Variants in SGPP2 observed in about 807,000 individuals in gnomAD.
SGPP2 encodes the protein sphingosine-1-phosphate phosphatase 2, also known as sphingosine 1-phosphate phosphohydrolase 2.
SGPP2 carries 30 observed loss-of-function variants against 33.9 expected under a neutral mutation model. The observed-to-expected ratio is 0.89, with a 90% CI of 0.66 to 1.20. The LOEUF (loss-of-function observed/expected upper bound fraction) is 1.20, where lower values mean the gene tolerates loss of function less well. Ranked by LOEUF, SGPP2 falls within the 50% of genes most tolerant of loss-of-function variation. The pLI, the probability that SGPP2 is intolerant of heterozygous loss-of-function variation, is 0.00. For synonymous variants in SGPP2, 233 were observed against 225.0 expected, an observed-to-expected ratio of 1.04 and a Z score of -0.32; for missense variants, 458 against 532.1, an observed-to-expected ratio of 0.86 and a Z score of 1.37.
At chr2:222,484,892 A>C (rs1025713833) in intron 2 of SGPP2, among the ~76,000 whole-genome samples, 4 of 152,224 alleles carry the variant, frequency 2.6e-5, no homozygotes, top group African/African-American at 9.6e-5. Flanking sequence ...TTTTCAAACA[A>C]AATCTTAATT....
At position 222,559,162 on chromosome 2, in the gene SGPP2, C is replaced by A. The variant is rs1215774073; in HGVS notation, c.*264C>A. ...CGGATCTTTAAAGGCACACACCGCG[C>A]CCCCCCCCCCCCCGCCCGGCCCCTG... On this transcript the variant is annotated 3_prime_UTR_variant, in exon 5 of 5. Transcript: ENST00000321276. 17 of 39,034 alleles carry A rather than the reference C, an allele frequency of 4.4e-4. No homozygotes were observed. In the African/African-American group the frequency reaches 6.4e-3, roughly 15 times the overall value. 2.4% of individuals were successfully genotyped at this position (39,034 alleles called of 1,614,324 possible). A position where few individuals can be genotyped will look rare whatever the true frequency, so the allele number is the denominator to read the frequency against.
chr2:222,462,011 C>T (rs188860198), intron 1 of SGPP2, among the ~76,000 whole-genome samples: 6 of 152,264 alleles, frequency 3.9e-5, no homozygotes, highest in Admixed American at 6.5e-5. Flanking sequence ...GCACAGCGAC[C>T]GTCATGAGTC....
At chr2:222,554,156 A>G (rs1689347742) in intron 4 of SGPP2, among the ~76,000 whole-genome samples, 1 of 152,224 alleles carries the variant, frequency 6.6e-6, no homozygotes. Context: ...ATCCTGTGAA[A>G]AGTCTCCTTC....
intron 2 of SGPP2, among the ~76,000 whole-genome samples, chr2:222,479,449 C>T (rs1157958288): frequency 7.1e-6 from 1 of 140,790 alleles, no homozygotes; most frequent in Admixed American, 7.4e-5. Flanking sequence ...GTCACCCAAG[C>T]TGGAGTGCAG....
intron 4 of SGPP2, among the ~76,000 whole-genome samples, chr2:222,526,632 T>G (rs977762213): frequency 2.0e-5 from 3 of 152,198 alleles, no homozygotes; most frequent in African/African-American, 7.2e-5. Flanking sequence ...ATCTTGGTAA[T>G]GATAGACTGG....
chr2:222,526,044 C>G (rs1448863761), intron 4 of SGPP2, among the ~76,000 whole-genome samples: 6 of 152,218 alleles, frequency 3.9e-5, no homozygotes, highest in Non-Finnish European at 7.3e-5. Flanking sequence ...ACGCTTTCCT[C>G]TTAAAATGCA....
chr2:222,520,058 A>G (rs772883986), intron 2 of SGPP2, among the ~76,000 whole-genome samples: 1 of 152,202 alleles, frequency 6.6e-6, no homozygotes, highest in African/African-American at 2.4e-5. Context: ...GTGGAACAGT[A>G]GCTCTGATTT....
intron 4 of SGPP2, among the ~76,000 whole-genome samples, chr2:222,527,072 A>G (rs1207579064): frequency 6.6e-6 from 1 of 152,228 alleles, no homozygotes; most frequent in Non-Finnish European, 1.5e-5. Context: ...AGATGAGTAA[A>G]GAGTACACAA....
intron 4 of SGPP2, among the ~76,000 whole-genome samples, chr2:222,546,426 G>T (rs959266802): frequency 6.6e-6 from 1 of 152,156 alleles, no homozygotes; most frequent in Non-Finnish European, 1.5e-5. Context: ...ATCTCTGTAA[G>T]TGAGATTGTC....
At chr2:222,443,609 T>C (rs1341553040) in intron 1 of SGPP2, among the ~76,000 whole-genome samples, 1 of 152,364 alleles carries the variant, frequency 6.6e-6, no homozygotes, top group Middle Eastern at 3.4e-3. Flanking sequence ...GGTATTTTCT[T>C]TGCAGGTCTG....
chr2:222,470,892 G>A (rs557667050), intron 1 of SGPP2, among the ~76,000 whole-genome samples: 32 of 152,302 alleles, frequency 2.1e-4, no homozygotes, highest in African/African-American at 4.6e-4. Flanking sequence ...AGAACCTGCC[G>A]AGATTAGTCC....
chr2:222,460,597 C>T lies in SGPP2; in HGVS notation c.220-13971C>T, dbSNP rs1240261543. Among the ~76,000 whole-genome samples the T allele has an allele frequency of 6.6e-6, 1 of 152,182 alleles. No homozygotes were observed. Among genetic ancestry groups the T allele is most frequent in the African/African-American group, 2.4e-5 (1 of 41,450 alleles). ...CTTGGCTCCAGCACTTTCAAAGGCT[C>T]CCTATTACCCAAGTTCTAAACCCAG... On this transcript the variant is annotated intron_variant, in intron 1 of 4. Coordinates refer to ENST00000321276, the MANE Select transcript of SGPP2 (RefSeq NM_152386.4). This position sits in a 1 kb window ranked among gnomAD's most constrained non-coding sequence, Gnocchi z 4.3.
chr2:222,489,237 GT>G (rs1405266886), intron 2 of SGPP2, among the ~76,000 whole-genome samples: 1 of 152,052 alleles, frequency 6.6e-6, no homozygotes, highest in Non-Finnish European at 1.5e-5. Context: ...ACCCTCAAGG[GT>G]TTCTTAAACA....
rs182063703 is a variant in SGPP2 at position 222,472,794 on chromosome 2, T to C, written c.220-1774T>C. On this transcript the variant is annotated intron_variant, in intron 1 of 4. Coordinates refer to ENST00000321276, the MANE Select transcript of SGPP2 (RefSeq NM_152386.4). ...AAACTAAAGGCCAAGGCAGGCAGAT[T>C]ACCTGAAGTCAGGAGTTGGACATAA... Among the ~76,000 whole-genome samples, 55 of 152,308 alleles carry C rather than the reference T, an allele frequency of 3.6e-4. No homozygotes were observed. The East Asian group carries it at 9.3e-3, about 26-fold the overall frequency.
chr2:222,513,260 C>G (rs1307752474), intron 2 of SGPP2, among the ~76,000 whole-genome samples: 2 of 152,180 alleles, frequency 1.3e-5, no homozygotes, highest in Non-Finnish European at 2.9e-5. Flanking sequence ...GTTTTTAAAT[C>G]TTAGACAAAG....
In SGPP2 at chr2:222,424,738, C is replaced by A; in HGVS notation, c.136C>A (p.Pro46Thr). 1 of 1,430,056 alleles carries A rather than the reference C, an allele frequency of 7.0e-7. No individual in the cohort carries two copies. 88.6% of individuals were successfully genotyped at this position (1,430,056 alleles called of 1,614,324 possible). A position where few individuals can be genotyped will look rare whatever the true frequency, so the allele number is the denominator to read the frequency against. Residue 46 changes from proline to threonine, a missense_variant, in exon 1 of 5, where the codon CCC becomes ACC. Transcript: ENST00000321276. ...CCCCACGGAGCGCGCGGCGCGGGTC[C>A]CCGGGGTCGAGCATCTCCCCGCAGC... ...ADPTERAARV[P>T]GVEHLPAANG... is the part of the protein sequence containing the mutation.
At position 222,449,428 on chromosome 2, in the gene SGPP2, C is replaced by T. The variant is rs114379308; in HGVS notation, c.219+24607C>T. Reference sequence around the variant, plus strand: ...ACAACTTTGAAGAACTTGGAGAACACGTGCCCCATCCTAAGGATGCAGCCT... The same window carrying T: ...ACAACTTTGAAGAACTTGGAGAACATGTGCCCCATCCTAAGGATGCAGCCT... On this transcript the variant is annotated intron_variant, in intron 1 of 4. Transcript: ENST00000321276. 5.1e-4 allele frequency among the ~76,000 whole-genome samples: 77 copies of T among 151,712 alleles called. 1 individual carries two copies. Among genetic ancestry groups the T allele is most frequent in the South Asian group, 3.1e-3 (15 of 4,802 alleles).
intron 4 of SGPP2, among the ~76,000 whole-genome samples, chr2:222,535,535 A>C (rs1698901636): frequency 6.6e-6 from 1 of 152,248 alleles, no homozygotes; most frequent in South Asian, 2.1e-4. Context: ...TTGGTCAAGC[A>C]CCAGAGTGAT....
At chr2:222,470,674 G>A (rs997762976) in intron 1 of SGPP2, among the ~76,000 whole-genome samples, 2 of 152,154 alleles carry the variant, frequency 1.3e-5, no homozygotes, top group African/African-American at 2.4e-5. Context: ...TACTTATAAT[G>A]TCATATAACA....
Sources: gnomAD v4.1 joint callset for allele counts (sites outside exome capture counted in the v4.1 genomes callset) on GRCh38, gnomAD v4.1.1 for gene constraint, Gnocchi (gnomAD v3.1) non-coding constraint, MANE v1.5 for transcripts, NCBI Gene and HGNC (gene_info 2026-07-23, HGNC 2026-07-21) for gene names.